MGMT: variants seen among roughly 807,000 people sequenced by gnomAD.
MGMT encodes the protein O-6-methylguanine-DNA methyltransferase, also known as methylated-DNA--protein-cysteine methyltransferase.
Under a neutral mutation model 15.9 loss-of-function variants are expected in MGMT, and 14 were observed. The ratio of observed to expected loss-of-function variants is 0.88; its 90% CI spans 0.58 to 1.37. The LOEUF (loss-of-function observed/expected upper bound fraction) is 1.37. Among genes scored for constraint, MGMT ranks in the 40% most tolerant of loss-of-function variants. The pLI is 0.00. For synonymous variants in MGMT, 130 were observed against 118.2 expected (o/e 1.10, Z -0.65); for missense variants, 282 against 268.1 (o/e 1.05, Z -0.36).
intron 2 of MGMT, among the ~76,000 whole-genome samples, chr10:129,554,399 AT>A: frequency 6.6e-6 from 1 of 151,760 alleles, no homozygotes; most frequent in East Asian, 1.9e-4. Flanking sequence ...TATCTTAAGC[AT>A]TTTTCTTGTT....
At chr10:129,526,430 C>G (rs542461033) in intron 1 of MGMT, among the ~76,000 whole-genome samples, 39 of 152,086 alleles carry the variant, frequency 2.6e-4, no homozygotes, top group Non-Finnish European at 4.9e-4. Flanking sequence ...CCAATCTCCC[C>G]CTTCACACAG....
At chr10:129,689,185 C>T (rs565186304) in intron 2 of MGMT, among the ~76,000 whole-genome samples, 1 of 152,304 alleles carries the variant, frequency 6.6e-6, no homozygotes, top group South Asian at 2.1e-4. Flanking sequence ...CTGCCCCAGC[C>T]TCCAAAGTGC....
At chr10:129,740,304 A>C (rs1172417551) in intron 3 of MGMT, among the ~76,000 whole-genome samples, 3 of 152,072 alleles carry the variant, frequency 2.0e-5, no homozygotes, top group African/African-American at 7.2e-5. Context: ...ACAGCTGCTG[A>C]GGTCCGGTGT....
intron 2 of MGMT, among the ~76,000 whole-genome samples, chr10:129,573,542 ATGTT>A (rs1347484878): frequency 4.6e-5 from 7 of 151,938 alleles, no homozygotes; most frequent in Admixed American, 2.0e-4. Context: ...TTAATCATAT[ATGTT>A]TATTTCCTTC....
At chr10:129,494,969 TA>T (rs1335906363) in intron 1 of MGMT, among the ~76,000 whole-genome samples, 1 of 152,178 alleles carries the variant, frequency 6.6e-6, no homozygotes, top group Non-Finnish European at 1.5e-5. Context: ...AACAAGACAC[TA>T]AAAAGATAAA....
intron 2 of MGMT, chr10:129,536,930 A>T (rs1261339772): frequency 6.6e-6 from 1 of 152,114 alleles, no homozygotes; most frequent in African/African-American, 2.4e-5. Flanking sequence ...TGCCAGGGGG[A>T]AGGGCCCGAA....
chr10:129,559,013 A>T (rs980730348), intron 2 of MGMT, among the ~76,000 whole-genome samples: 1 of 152,116 alleles, frequency 6.6e-6, no homozygotes, highest in Admixed American at 6.6e-5. Flanking sequence ...GTCTTCTGAG[A>T]TGTTTTGTGC....
At chr10:129,723,723 C>G (rs1045176199) in intron 3 of MGMT, among the ~76,000 whole-genome samples, 7 of 152,142 alleles carry the variant, frequency 4.6e-5, no homozygotes, top group Middle Eastern at 3.2e-3. Flanking sequence ...GACAAAATAT[C>G]TCACATTTTC....
At chr10:129,480,458 T>G (rs908752617) in intron 1 of MGMT, among the ~76,000 whole-genome samples, 6 of 152,236 alleles carry the variant, frequency 3.9e-5, no homozygotes, top group Non-Finnish European at 8.8e-5. Flanking sequence ...CTTTCAAATA[T>G]TGATGTTTCC....
chr10:129,470,495 A>G (rs1346957188), intron 1 of MGMT, among the ~76,000 whole-genome samples: 2 of 152,190 alleles, frequency 1.3e-5, no homozygotes, highest in Non-Finnish European at 2.9e-5. Flanking sequence ...TCATAGAGCT[A>G]TTGAAGTGAT....
At chr10:129,497,470 G>C (rs1845533857) in intron 1 of MGMT, among the ~76,000 whole-genome samples, 1 of 152,120 alleles carries the variant, frequency 6.6e-6, no homozygotes, top group African/African-American at 2.4e-5. Context: ...TGGCTTTTTG[G>C]GGGGACTTTT....
chr10:129,712,592 CT>C lies in MGMT; in HGVS notation c.274+4551del, dbSNP rs543167672. On this transcript the variant is annotated intron_variant, in intron 3 of 4. Transcript: ENST00000651593. Reference sequence around the variant, plus strand: ...CTGCCCCAGAGTTAAGGGAAAGGGCCTTCAGGGTGAATTCGTTAAGGTTCCC... The same window carrying C: ...CTGCCCCAGAGTTAAGGGAAAGGGCCTCAGGGTGAATTCGTTAAGGTTCCC... Among the ~76,000 whole-genome samples the C allele has an allele frequency of 1.2e-4, 19 of 152,248 alleles. No homozygotes were observed. The South Asian group carries it at 3.7e-3, about 30-fold the overall frequency.
At chr10:129,493,621 A>G (rs972942508) in intron 1 of MGMT, among the ~76,000 whole-genome samples, 1 of 152,198 alleles carries the variant, frequency 6.6e-6, no homozygotes, top group Admixed American at 6.5e-5. Flanking sequence ...GTTCTTATCA[A>G]CATCTGCAAG....
chr10:129,583,162 A>C (rs972561179), intron 2 of MGMT, among the ~76,000 whole-genome samples: 6 of 152,194 alleles, frequency 3.9e-5, no homozygotes, highest in African/African-American at 1.4e-4. Flanking sequence ...GTGTATCGGA[A>C]GCTTCTGTAA....
intron 3 of MGMT, among the ~76,000 whole-genome samples, chr10:129,716,451 A>G (rs1248261667): frequency 6.6e-6 from 1 of 152,192 alleles, no homozygotes; most frequent in Non-Finnish European, 1.5e-5. Context: ...TTAAAAATGC[A>G]CATTCCTTTC....
chr10:129,681,649 A>G (rs754437290), intron 2 of MGMT, among the ~76,000 whole-genome samples: 3 of 152,188 alleles, frequency 2.0e-5, no homozygotes, highest in Admixed American at 6.5e-5. Context: ...ATTTTTTTCA[A>G]CCAAATGTGG....
intron 2 of MGMT, among the ~76,000 whole-genome samples, chr10:129,564,649 A>C (rs115916351): frequency 0.053 from 1,206 of 22,846 alleles, 6 homozygotes; most frequent in African/African-American, 0.068. Flanking sequence ...CTGCTTCCTC[A>C]CCCTCCTCTC....
intron 2 of MGMT, among the ~76,000 whole-genome samples, chr10:129,613,609 T>C (rs955754325): frequency 1.3e-5 from 2 of 152,238 alleles, no homozygotes; most frequent in African/African-American, 4.8e-5. Context: ...CTGGTCTGTT[T>C]TTTAACGCAA....
rs1439957450 is a variant in MGMT, at chr10:129,768,831, A to C, written c.*1834A>C. 6.6e-6 allele frequency: 1 copy of C among 152,340 alleles called. No individual in the cohort carries two copies. Among genetic ancestry groups the C allele is most frequent in the Non-Finnish European group, 1.5e-5 (1 of 68,132 alleles). The allele number at this position is 152,340 out of a possible 1,614,324, so 9.4% of individuals were successfully genotyped here. A position where few individuals can be genotyped will look rare whatever the true frequency, so the allele number is the denominator to read the frequency against. Reference sequence around the variant, plus strand: ...CCCCGATGGCTCCCTGTGCTCCCTGAGACCCTACAGGCCGCCCTCTGCAGC... The same window carrying C: ...CCCCGATGGCTCCCTGTGCTCCCTGCGACCCTACAGGCCGCCCTCTGCAGC... On this transcript the variant is annotated 3_prime_UTR_variant, in exon 5 of 5. Transcript: ENST00000651593.
Sources: gnomAD v4.1 joint callset for allele counts (sites outside exome capture counted in the v4.1 genomes callset) on GRCh38, gnomAD v4.1.1 for gene constraint, MANE v1.5 for transcripts, NCBI Gene and HGNC (gene_info 2026-07-23, HGNC 2026-07-21) for gene names.